Variants in ARHGAP33 observed in about 807,000 individuals in gnomAD.
ARHGAP33 encodes rho GTPase-activating protein 33.
In ARHGAP33, 57 loss-of-function variants were observed where a neutral mutation model predicts 126.2. The observed-to-expected ratio is 0.45, with a 90% CI of 0.36 to 0.56. ARHGAP33 has a LOEUF of 0.56. Among genes scored for constraint, ARHGAP33 ranks in the 20% least tolerant of loss-of-function variants. The probability of loss-of-function intolerance (pLI) is 0.00; values close to 1 mark genes in which losing one functional copy is unlikely to be tolerated. For missense variants in ARHGAP33, 1,500 were observed against 1,748.3 expected (o/e 0.86, Z 2.53); for synonymous variants, 711 against 755.0 (o/e 0.94, Z 0.95).
Position 35,778,270 on chromosome 19 carries a change from C to T in ARHGAP33, c.190-10C>T. ...CAAAAGTCCACCTGGGCCTTGCTTTCCCTCTGCAGCTCCTGCTGTCTCCAG... is the reference window on the plus strand; with the variant it reads ...CAAAAGTCCACCTGGGCCTTGCTTTTCCTCTGCAGCTCCTGCTGTCTCCAG... On this transcript the variant is annotated splice_polypyrimidine_tract_variant and intron_variant, in intron 3 of 20. Transcript: ENST00000007510. 6.2e-7 allele frequency: 1 copy of T among 1,614,112 alleles called. No homozygotes were observed. Among genetic ancestry groups the T allele is most frequent in the Non-Finnish European group, 8.5e-7 (1 of 1,179,992 alleles).
Position 35,787,947 on chromosome 19 carries a change from C to T in ARHGAP33, c.3382C>T (p.Leu1128Phe), listed in dbSNP as rs1218546015. 8.0e-6 allele frequency: 12 copies of T among 1,508,410 alleles called. No homozygotes were observed. The East Asian group carries it at 2.1e-4, about 27-fold the overall frequency. The allele number at this position is 1,508,410 out of a possible 1,614,324, so 93.4% of individuals were successfully genotyped here. A position where few individuals can be genotyped will look rare whatever the true frequency, so the allele number is the denominator to read the frequency against. Residue 1128 changes from leucine (L) to phenylalanine (F), a missense_variant, in exon 21 of 21, where the codon CTC (leucine) becomes TTC (phenylalanine). By Grantham distance (22) the Leu-to-Phe change is conservative. Transcript: ENST00000007510. ...CGGCATGCTTGGCCAATCACCCCCA[C>T]TCCACAGGTCCCCCGACTTCCTGCT... The part of the protein sequence containing the change: ...SYGMLGQSPP[L>F]HRSPDFLLSY...
Position 35,778,573 on chromosome 19 carries a change from C to T in ARHGAP33, c.380C>T (p.Pro127Leu), listed in dbSNP as rs35902249. ...TTCTCCTGCCTTCCGGAGCTTCCCCCGCCCCCCGAGGGTGCCAGGGCTGCC... is the reference window on the plus strand; with the variant it reads ...TTCTCCTGCCTTCCGGAGCTTCCCCTGCCCCCCGAGGGTGCCAGGGCTGCC... Reference protein sequence around the residue: ...RRFSCLPELPPPPEGARAAQM... With the variant: ...RRFSCLPELPLPPEGARAAQM... Residue 127 changes from proline (P) to leucine (L), a missense_variant, in exon 5 of 21, where the codon CCG becomes CTG. This residue lies in a region of ARHGAP33 where 75 missense variants were observed against 152.7 expected (regional missense o/e 0.49). Coordinates refer to ENST00000007510, the MANE Select transcript of ARHGAP33 (RefSeq NM_001366178.1). 449 of 1,613,996 alleles carry T rather than the reference C, an allele frequency of 2.8e-4. 3 individuals carry two copies. In the Middle Eastern group the frequency reaches 4.5e-3, roughly 16 times the overall value.
In ARHGAP33 at chr19:35,788,618, A is replaced by G; in HGVS notation, c.*189A>G. On this transcript the variant is annotated 3_prime_UTR_variant, in exon 21 of 21. Transcript: ENST00000007510. Reference sequence around the variant, plus strand: ...CTACCCTGGACTGAAGGGTCTGCCCATCCCCCCACCACCCTCCATCCTGGG... The same window carrying G: ...CTACCCTGGACTGAAGGGTCTGCCCGTCCCCCCACCACCCTCCATCCTGGG... The G allele has an allele frequency of 3.6e-6, 2 of 553,396 alleles. No individual in the cohort carries two copies. Among genetic ancestry groups the G allele is most frequent in the East Asian group, 6.9e-5 (2 of 29,184 alleles). 34.3% of individuals were successfully genotyped at this position (553,396 alleles called of 1,614,324 possible).
In ARHGAP33 at chr19:35,782,636, C is replaced by A; in HGVS notation, c.1270C>A (p.Arg424=). ...SVPGEEERLV[R]VHDVIQQLPP... is the part of the protein sequence containing the mutation. ...GCCTGGGGAGGAGGAGCGTCTGGTG[C>A]GGGTGCACGATGTCATCCAGCAGCT... The change falls in exon 14 of 21, where the codon CGG becomes AGG. Residue 424 remains arginine, a synonymous_variant. Transcript: ENST00000007510. The surrounding 1 kb of genome is among the most constrained non-coding windows in gnomAD (Gnocchi z 4.1). 8.7e-6 allele frequency: 14 copies of A among 1,613,316 alleles called. No homozygotes were observed. The highest frequency in any genetic ancestry group is 1.2e-5 in the Non-Finnish European group (14 of 1,179,770).
Position 35,775,645 on chromosome 19 carries a change from G to A in ARHGAP33, c.-14G>A. On this transcript the variant is annotated 5_prime_UTR_variant, in exon 1 of 21. Coordinates refer to ENST00000007510, the MANE Select transcript of ARHGAP33 (RefSeq NM_001366178.1). ...GGGTCGAGCGCGGCCGGGGCCTGAG[G>A]AGGCTACGCGACCATGGTGGTAAGG... 6.5e-7 allele frequency: 1 copy of A among 1,543,026 alleles called. No homozygotes were observed. The highest frequency in any genetic ancestry group is 1.2e-5 in the South Asian group (1 of 82,628).
intron 19 of ARHGAP33, chr19:35,785,697 G>A: frequency 2.8e-6 from 4 of 1,409,876 alleles, no homozygotes; most frequent in East Asian, 2.7e-5. Flanking sequence ...GGTCCATGAC[G>A]GGCCCTTTAA....
Position 35,775,633 on chromosome 19 carries a change from C to A in ARHGAP33, c.-26C>A. The A allele has an allele frequency of 6.5e-7, 1 of 1,528,652 alleles. No homozygotes were observed. Among genetic ancestry groups the A allele is most frequent in the Non-Finnish European group, 8.7e-7 (1 of 1,143,464 alleles). The allele number at this position is 1,528,652 out of a possible 1,614,324, so 94.7% of individuals were successfully genotyped here. A position where few individuals can be genotyped will look rare whatever the true frequency, so the allele number is the denominator to read the frequency against. ...ACGGCGAGCGAGGGGTCGAGCGCGGCCGGGGCCTGAGGAGGCTACGCGACC... is the reference window on the plus strand; with the variant it reads ...ACGGCGAGCGAGGGGTCGAGCGCGGACGGGGCCTGAGGAGGCTACGCGACC... On this transcript the variant is annotated 5_prime_UTR_variant, in exon 1 of 21. Transcript: ENST00000007510.
In ARHGAP33 at chr19:35,788,645, G is replaced by A; in HGVS notation, c.*216G>A. ...CCCCCCACCACCCTCCATCCTGGGGGCCCTCGCACAAATCTGGGGTGGGAG... is the reference window on the plus strand; with the variant it reads ...CCCCCCACCACCCTCCATCCTGGGGACCCTCGCACAAATCTGGGGTGGGAG... On this transcript the variant is annotated 3_prime_UTR_variant, in exon 21 of 21. Transcript: ENST00000007510. 1.2e-5 allele frequency: 6 copies of A among 512,440 alleles called. No individual in the cohort carries two copies. Among genetic ancestry groups the A allele is most frequent in the Non-Finnish European group, 2.0e-5 (6 of 296,118 alleles). The allele number at this position is 512,440 out of a possible 1,614,324, so 31.7% of individuals were successfully genotyped here. A position where few individuals can be genotyped will look rare whatever the true frequency, so the allele number is the denominator to read the frequency against.
chr19:35,781,342 C>A (rs988068697), intron 12 of ARHGAP33, 90 bp downstream of exon 12: 4 of 1,339,018 alleles, frequency 3.0e-6, no homozygotes, highest in Non-Finnish European at 4.3e-6. Context: ...GACACAGTTA[C>A]CAGGAGTCAG....
Position 35,787,617 on chromosome 19 carries a change from C to A in ARHGAP33, c.3052C>A (p.Gln1018Lys). 1 of 1,603,242 alleles carries A rather than the reference C, an allele frequency of 6.2e-7. No homozygotes were observed. Among genetic ancestry groups the A allele is most frequent in the Admixed American group, 1.8e-5 (1 of 56,458 alleles). Reference protein sequence around the residue: ...GGRDAPEAAAQSPCSVPSQVP... With the variant: ...GGRDAPEAAAKSPCSVPSQVP... ...CAGGGATGCGCCAGAGGCAGCAGCC[C>A]AGTCCCCATGTTCTGTCCCCTCACA... The change falls in exon 21 of 21, where the codon CAG becomes AAG. Residue 1018 changes from glutamine to lysine, a missense_variant. By Grantham distance (53) the Gln-to-Lys change is moderately conservative. Transcript: ENST00000007510.
chr19:35,787,011 G>T lies in ARHGAP33; in HGVS notation c.2541G>T (p.Pro847=). The T allele has an allele frequency of 6.2e-7, 1 of 1,608,956 alleles. No individual in the cohort carries two copies. Among genetic ancestry groups the T allele is most frequent in the Non-Finnish European group, 8.5e-7 (1 of 1,177,860 alleles). The change falls in exon 20 of 21, where the codon CCG becomes CCT. Residue 847 remains proline (P), a synonymous_variant. Coordinates refer to ENST00000007510, the MANE Select transcript of ARHGAP33 (RefSeq NM_001366178.1). ...TGCTGCTGCGAGGAGCCGAGGCCCC[G>T]CTGACTGACGCCTGCCAGCAGGAGA... The part of the protein sequence containing the change: ...IPLLLRGAEA[P]LTDACQQEMC...
chr19:35,781,187 G>A lies in ARHGAP33; in HGVS notation c.1020G>A (p.Glu340=). 1 of 1,613,424 alleles carries A rather than the reference G, an allele frequency of 6.2e-7. No homozygotes were observed. Among genetic ancestry groups the A allele is most frequent in the Non-Finnish European group, 8.5e-7 (1 of 1,179,776 alleles). ...QVLRCCSEFI[E]AHGVVDGIYR... is the part of the protein sequence containing the mutation. ...TGCGCTGCTGCTCCGAGTTCATTGA[G>A]GCCCACGGGGTGGTGGATGGGATCT... Residue 340 remains glutamate, a synonymous_variant, in exon 12 of 21, where the codon GAG becomes GAA. Transcript: ENST00000007510.
At position 35,788,335 on chromosome 19, in the gene ARHGAP33, G is replaced by A; in HGVS notation, c.3770G>A (p.Gly1257Glu). ...CACCGAGGGTCCTTGTACAGAAATG[G>A]AGGGCAAAGAGGGGAGGGGGCTGGT... ...ELHRGSLYRN[G>E]GQRGEGAGPP... The change falls in exon 21 of 21, where the codon GGA (glycine) becomes GAA (glutamate). Residue 1257 changes from glycine to glutamate, a missense_variant. Coordinates refer to ENST00000007510, the MANE Select transcript of ARHGAP33 (RefSeq NM_001366178.1). The A allele has an allele frequency of 6.2e-7, 1 of 1,607,678 alleles. No individual in the cohort carries two copies. The highest frequency in any genetic ancestry group is 2.2e-5 in the East Asian group (1 of 44,694).
Position 35,788,349 on chromosome 19 carries a change from G to A in ARHGAP33, c.3784G>A (p.Glu1262Lys). ...SLYRNGGQRG[E>K]GAGPPPPYPT... ...GTACAGAAATGGAGGGCAAAGAGGGGAGGGGGCTGGTCCCCCACCCCCTTA... is the reference window on the plus strand; with the variant it reads ...GTACAGAAATGGAGGGCAAAGAGGGAAGGGGGCTGGTCCCCCACCCCCTTA... The change falls in exon 21 of 21, where the codon GAG becomes AAG. Residue 1262 changes from glutamate (E) to lysine (K), a missense_variant. Transcript: ENST00000007510. The A allele has an allele frequency of 6.2e-7, 1 of 1,605,038 alleles. No homozygotes were observed. Among genetic ancestry groups the A allele is most frequent in the Non-Finnish European group, 8.5e-7 (1 of 1,176,720 alleles).
Position 35,786,089 on chromosome 19 carries a change from C to T in ARHGAP33, c.1943-324C>T. 1.6e-6 allele frequency: 2 copies of T among 1,225,292 alleles called. No homozygotes were observed. Among genetic ancestry groups the T allele is most frequent in the Non-Finnish European group, 1.0e-6 (1 of 980,434 alleles). The allele number at this position is 1,225,292 out of a possible 1,614,324, so 75.9% of individuals were successfully genotyped here. ...CCACCCAGCCGTGCCTCTGGGGGCT[C>T]TTCTGAGCCACCGCGCCATCCTCAC... is the stretch of plus-strand genomic sequence containing the variant. On this transcript the variant is annotated intron_variant, in intron 19 of 20. Transcript: ENST00000007510. The surrounding 1 kb of genome is among the most constrained non-coding windows in gnomAD (Gnocchi z 7.0).
chr19:35,785,824 G>A, intron 19 of ARHGAP33: 1 of 1,181,836 alleles, frequency 8.5e-7, no homozygotes, highest in Non-Finnish European at 1.1e-6. Context: ...CCCCACTGGA[G>A]GCATCCTCTC....
intron 5 of ARHGAP33, 71 bp from the exon 6 acceptor site, chr19:35,778,960 AG>A: frequency 8.0e-7 from 1 of 1,256,528 alleles, no homozygotes; most frequent in Non-Finnish European, 1.1e-6. Flanking sequence ...GAGACGAGCT[AG>A]GGCAGTGTGG....
intron 16 of ARHGAP33, 71 bp from the exon 17 acceptor site, chr19:35,784,882 T>C: frequency 6.9e-7 from 1 of 1,452,442 alleles, no homozygotes; most frequent in Non-Finnish European, 9.0e-7. Context: ...GCTTGGGCTG[T>C]GGCGCTTGGC....
Position 35,788,623 on chromosome 19 carries a change from C to T in ARHGAP33, c.*194C>T, listed in dbSNP as rs555148945. ...CTGGACTGAAGGGTCTGCCCATCCC[C>T]CCACCACCCTCCATCCTGGGGGCCC... On this transcript the variant is annotated 3_prime_UTR_variant, in exon 21 of 21. Transcript: ENST00000007510. The T allele has an allele frequency of 5.1e-5, 28 of 547,166 alleles. 1 individual carries two copies. Among genetic ancestry groups the T allele is most frequent in the South Asian group, 4.9e-4 (18 of 36,686 alleles). 33.9% of individuals were successfully genotyped at this position (547,166 alleles called of 1,614,324 possible). A position where few individuals can be genotyped will look rare whatever the true frequency, so the allele number is the denominator to read the frequency against.
Sources: allele counts gnomAD v4.1 joint callset, GRCh38; gene constraint gnomAD v4.1.1; regional missense constraint gnomAD v4.1.1; non-coding constraint Gnocchi (gnomAD v3.1); transcripts MANE v1.5; gene names NCBI Gene and HGNC (gene_info 2026-07-23, HGNC 2026-07-21).